The following OR9Q1 variants were observed in gnomAD, a reference collection of about 807,000 sequenced individuals.
The protein encoded by OR9Q1 is olfactory receptor family 9 subfamily Q member 1, also known as olfactory receptor 9Q1.
For missense variants in OR9Q1, 374 were observed against 378.8 expected (o/e 0.99, Z 0.11); for synonymous variants, 153 against 148.6 (o/e 1.03, Z -0.22).
At chr11:58,109,708 T>TC in intron 2 of OR9Q1, 1 of 390,700 alleles carries the variant, frequency 2.6e-6, no homozygotes, top group Non-Finnish European at 5.1e-6. Context: ...GAAATTGAGA[T>TC]TCCAGAACTA....
chr11:58,159,232 T>C (rs1854435809), intron 2 of OR9Q1, among the ~76,000 whole-genome samples: 1 of 152,182 alleles, frequency 6.6e-6, no homozygotes, highest in African/African-American at 2.4e-5. Flanking sequence ...GGCAAATAAA[T>C]TGGTGAACTA....
chr11:58,180,152 C>G lies in OR9Q1; in HGVS notation c.708C>G (p.Thr236=). ...MGIPAGSQAK[T]FSTCTSHLTA... ...TCCCTGCTGGAAGCCAGGCCAAGAC[C>G]TTCTCCACCTGCACCTCCCACCTCA... Residue 236 remains threonine (T), a synonymous_variant, in exon 3 of 3, where the codon ACC becomes ACG. Coordinates refer to ENST00000335397, the MANE Select transcript of OR9Q1 (RefSeq NM_001005212.4). 1 of 1,614,026 alleles carries G rather than the reference C, an allele frequency of 6.2e-7. No individual in the cohort carries two copies. Among genetic ancestry groups the G allele is most frequent in the Non-Finnish European group, 8.5e-7 (1 of 1,179,962 alleles).
chr11:58,154,397 T>G (rs981827239), intron 2 of OR9Q1, among the ~76,000 whole-genome samples: 3 of 117,558 alleles, frequency 2.6e-5, no homozygotes, highest in African/African-American at 8.5e-5. Flanking sequence ...TTTTTTTTTG[T>G]CCTGTGATGA....
At chr11:58,150,684 A>T (rs569420282) in intron 2 of OR9Q1, among the ~76,000 whole-genome samples, 1 of 152,338 alleles carries the variant, frequency 6.6e-6, no homozygotes, top group African/African-American at 2.4e-5. Flanking sequence ...ACTATCAGCT[A>T]TATAAAACTA....
Position 58,059,251 on chromosome 11 carries a change from T to C in OR9Q1, c.-15+3304T>C, listed in dbSNP as rs188097920. Among the ~76,000 whole-genome samples, 589 of 152,296 alleles carry C rather than the reference T, an allele frequency of 3.9e-3. 7 individuals carry two copies. Among genetic ancestry groups the C allele is most frequent in the African/African-American group, 0.013 (557 of 41,566 alleles). On this transcript the variant is annotated intron_variant, in intron 2 of 2. Coordinates refer to ENST00000335397, the MANE Select transcript of OR9Q1 (RefSeq NM_001005212.4). ...AGGTAAAGATGTGCTAACGGCTTTGTTTCTCTCTATACATTGTATAATTCT... is the reference window on the plus strand; with the variant it reads ...AGGTAAAGATGTGCTAACGGCTTTGCTTCTCTCTATACATTGTATAATTCT...
chr11:58,111,873 C>CA (rs5792081), intron 2 of OR9Q1, among the ~76,000 whole-genome samples: 150,767 of 152,240 alleles, frequency 0.99, 74,673 homozygotes, highest in East Asian at 1. Context: ...TATTTAGCCA[C>CA]GAGTCCTTTT....
At chr11:58,067,660 T>G (rs1413848722) in intron 2 of OR9Q1, among the ~76,000 whole-genome samples, 1 of 152,182 alleles carries the variant, frequency 6.6e-6, no homozygotes, top group Non-Finnish European at 1.5e-5. Flanking sequence ...GTACAAAGCC[T>G]CCTCCAACCT....
chr11:58,032,423 T>G (rs929445183), intron 1 of OR9Q1, among the ~76,000 whole-genome samples: 4 of 152,092 alleles, frequency 2.6e-5, no homozygotes, highest in Non-Finnish European at 4.4e-5. Context: ...AACAGACACA[T>G]AGACCAATGG....
chr11:58,175,137 G>T (rs1854592424), intron 2 of OR9Q1, among the ~76,000 whole-genome samples: 1 of 142,438 alleles, frequency 7.0e-6, no homozygotes. Context: ...AGGAGATTTA[G>T]ATTATTACGC....
intron 2 of OR9Q1, among the ~76,000 whole-genome samples, chr11:58,099,425 C>T (rs1241222032): frequency 6.6e-6 from 1 of 151,204 alleles, no homozygotes; most frequent in Non-Finnish European, 1.5e-5. Context: ...TGTTATGGTC[C>T]ATCTGATAAA....
At chr11:58,173,128 A>T (rs1050449971) in intron 2 of OR9Q1, among the ~76,000 whole-genome samples, 9 of 152,024 alleles carry the variant, frequency 5.9e-5, no homozygotes, top group Admixed American at 2.6e-4. Flanking sequence ...TATTTTCTTT[A>T]TTTTATTTTA....
chr11:58,082,730 AAAACTT>A (rs1300075275), intron 2 of OR9Q1, among the ~76,000 whole-genome samples: 5 of 127,576 alleles, frequency 3.9e-5, no homozygotes, highest in African/African-American at 1.1e-4. Flanking sequence ...CATGTACCCT[AAAACTT>A]AAAGTATAAT....
intron 1 of OR9Q1, among the ~76,000 whole-genome samples, chr11:58,029,337 C>T (rs1000938634): frequency 1.3e-5 from 2 of 152,154 alleles, no homozygotes; most frequent in Non-Finnish European, 2.9e-5. Context: ...TAGGCTTCCT[C>T]ACACTACTGT....
intron 2 of OR9Q1, among the ~76,000 whole-genome samples, chr11:58,126,112 T>G (rs1276802964): frequency 6.6e-6 from 1 of 152,202 alleles, no homozygotes; most frequent in Non-Finnish European, 1.5e-5. Context: ...CTGAGGAGCT[T>G]GTCAGCTCAC....
At chr11:58,038,022 C>T (rs953346654) in intron 1 of OR9Q1, among the ~76,000 whole-genome samples, 13 of 60 alleles carry the variant, frequency 0.22, no homozygotes, top group Admixed American at 0.38. Flanking sequence ...TGAGCTACCG[C>T]GCCCGGCCAG....
chr11:58,091,560 CTAAT>C (rs1450868860), intron 2 of OR9Q1, among the ~76,000 whole-genome samples: 1 of 152,074 alleles, frequency 6.6e-6, no homozygotes, highest in Non-Finnish European at 1.5e-5. Context: ...TGTTTTACTT[CTAAT>C]TATGTGGTCA....
rs575309766 is a variant in OR9Q1, at chr11:58,043,483, T to C, written c.-92-12387T>C. Among the ~76,000 whole-genome samples the C allele has an allele frequency of 2.6e-5, 4 of 152,320 alleles. No individual in the cohort carries two copies. In the East Asian group the frequency reaches 5.8e-4, roughly 22 times the overall value. On this transcript the variant is annotated intron_variant, in intron 1 of 2. Transcript: ENST00000335397. ...TTCAGAGGCTCCTCCCCATTTTCTA[T>C]AGAATAGAGTCCATGCTCCAGAGTC...
chr11:58,032,916 A>C (rs1055333152), intron 1 of OR9Q1, among the ~76,000 whole-genome samples: 2 of 152,210 alleles, frequency 1.3e-5, no homozygotes, highest in Non-Finnish European at 2.9e-5. Context: ...CAAGAAAAAA[A>C]CAATTAATCC....
At chr11:58,099,139 A>G (rs939735809) in intron 2 of OR9Q1, among the ~76,000 whole-genome samples, 1 of 151,824 alleles carries the variant, frequency 6.6e-6, no homozygotes, top group African/African-American at 2.4e-5. Flanking sequence ...TGGAATTTGA[A>G]GTCTGCTGGT....
Sources: allele counts gnomAD v4.1 joint callset (sites outside exome capture counted in the v4.1 genomes callset), GRCh38; gene constraint gnomAD v4.1.1; transcripts MANE v1.5; gene names NCBI Gene and HGNC (gene_info 2026-07-23, HGNC 2026-07-21).